The following NEK4 variants were observed in gnomAD, a reference collection of about 807,000 sequenced individuals.
NEK4 encodes serine/threonine-protein kinase Nek4.
Under a neutral mutation model 98.4 loss-of-function variants are expected in NEK4, and 86 were observed. That is an observed-to-expected ratio of 0.87 (90% CI 0.73 to 1.05). The LOEUF is 1.05. NEK4 is among the 50% of genes least tolerant of loss of function. NEK4 has a pLI of 0.00. For synonymous variants in NEK4, 328 were observed against 342.2 expected (o/e 0.96, Z 0.46); for missense variants, 898 against 950.3 (o/e 0.94, Z 0.72).
chr3:52,720,906 T>C (rs1382483973), intron 15 of NEK4, among the ~76,000 whole-genome samples: 3 of 152,254 alleles, frequency 2.0e-5, no homozygotes, highest in Non-Finnish European at 4.4e-5. Context: ...AGCTACTGTA[T>C]GAAACAATAC....
Position 52,770,871 on chromosome 3 carries a change from C to A in NEK4, c.-125G>T, listed in dbSNP as rs1578718785. ...GGGCGGCTGTTGAGGCAGCCGGGCC[C>A]GGGCGGGATTGCTGGGGCCCGGCCC... On this transcript the variant is annotated 5_prime_UTR_variant, in exon 1 of 16. Transcript: ENST00000233027. The A allele has an allele frequency of 6.2e-6, 5 of 808,004 alleles. No individual in the cohort carries two copies. The East Asian group carries it at 1.4e-4, about 22-fold the overall frequency. The allele number at this position is 808,004 out of a possible 1,614,324, so 50.1% of individuals were successfully genotyped here. A position where few individuals can be genotyped will look rare whatever the true frequency, so the allele number is the denominator to read the frequency against.
At chr3:52,745,990 T>C (rs2097395339) in intron 10 of NEK4, 71 bp downstream of exon 10, 21 of 1,406,684 alleles carry the variant, frequency 1.5e-5, no homozygotes, top group African/African-American at 2.8e-5. Context: ...CCCAAAGTGC[T>C]GGGATTACAT....
intron 15 of NEK4, among the ~76,000 whole-genome samples, chr3:52,718,323 A>G (rs1263316156): frequency 1.3e-5 from 2 of 151,336 alleles, no homozygotes; most frequent in East Asian, 4.0e-4. Context: ...AAATACAAAA[A>G]TTAGCCGGGC....
chr3:52,722,331 T>A (rs1440555115), intron 15 of NEK4, among the ~76,000 whole-genome samples: 1 of 151,974 alleles, frequency 6.6e-6, no homozygotes, highest in East Asian at 1.9e-4. Context: ...GGGTACAAGC[T>A]ATAACACAAG....
intron 15 of NEK4, among the ~76,000 whole-genome samples, chr3:52,715,151 A>G (rs1197879058): frequency 1.3e-5 from 2 of 152,204 alleles, no homozygotes; most frequent in Non-Finnish European, 2.9e-5. Context: ...CAGAGTGGGA[A>G]CTTGTGGTGC....
At chr3:52,749,953 G>A (rs1277215715) in intron 7 of NEK4, 124 bp from the exon 8 acceptor site, 1 of 152,912 alleles carries the variant, frequency 6.5e-6, no homozygotes, top group Admixed American at 6.5e-5. Flanking sequence ...AGTAACGAGT[G>A]TTAGCATGGA....
chr3:52,711,469 G>T lies in NEK4; in HGVS notation c.*308C>A. The T allele has an allele frequency of 5.0e-6, 1 of 200,746 alleles. No homozygotes were observed. Among genetic ancestry groups the T allele is most frequent in the African/African-American group, 2.3e-5 (1 of 43,308 alleles). The allele number at this position is 200,746 out of a possible 1,614,324, so 12.4% of individuals were successfully genotyped here. ...TATAGCTCTGTGTTTAAGTTAATTA[G>T]TACCTTAAAAAAATAAAATTCTAAA... On this transcript the variant is annotated 3_prime_UTR_variant, in exon 16 of 16. Transcript: ENST00000233027.
At chr3:52,714,393 G>A (rs1276291965) in intron 15 of NEK4, among the ~76,000 whole-genome samples, 3 of 152,240 alleles carry the variant, frequency 2.0e-5, no homozygotes, top group African/African-American at 7.2e-5. Flanking sequence ...GAAGGGAGGT[G>A]TGAGCGGTGA....
Position 52,737,407 on chromosome 3 carries a change from C to T in NEK4, c.2433+179G>A, listed in dbSNP as rs557280413. ...CTAACAGGTGCAGGGCTTCTTGGGG[C>T]GTAATGAAAATGTTCTAATATCGAT... On this transcript the variant is annotated intron_variant, in intron 15 of 15. Transcript: ENST00000233027. 1.8e-4 allele frequency: 101 copies of T among 567,436 alleles called. 1 individual carries two copies. The highest frequency in any genetic ancestry group is 1.5e-3 in the African/African-American group (82 of 53,216). The allele number at this position is 567,436 out of a possible 1,614,324, so 35.2% of individuals were successfully genotyped here. A position where few individuals can be genotyped will look rare whatever the true frequency, so the allele number is the denominator to read the frequency against.
At chr3:52,728,823 G>C (rs1359217828) in intron 15 of NEK4, among the ~76,000 whole-genome samples, 12 of 152,272 alleles carry the variant, frequency 7.9e-5, no homozygotes, top group African/African-American at 2.2e-4. Context: ...CCTGGGGGGA[G>C]GTCTATAAAC....
At chr3:52,757,983 C>A (rs1462207491) in intron 6 of NEK4, among the ~76,000 whole-genome samples, 1 of 151,970 alleles carries the variant, frequency 6.6e-6, no homozygotes, top group African/African-American at 2.4e-5. Flanking sequence ...CAAGACCAGT[C>A]TGGCCAACGT....
rs2097349935 is a variant in NEK4, at chr3:52,711,102, A to AATC, written c.*672_*674dup. On this transcript the variant is annotated 3_prime_UTR_variant, in exon 16 of 16. Transcript: ENST00000233027. ...AAATGTTTTCACTGATGGAAAAATA[A>AATC]ATCTAACAAAACCATTATGTAAAAA... The AATC allele has an allele frequency of 1.3e-5, 2 of 152,784 alleles. No homozygotes were observed. The highest frequency in any genetic ancestry group is 4.1e-4 in the South Asian group (2 of 4,830). The allele number at this position is 152,784 out of a possible 1,614,324, so 9.5% of individuals were successfully genotyped here.
intron 2 of NEK4, among the ~76,000 whole-genome samples, chr3:52,767,380 A>C (rs1466152994): frequency 6.6e-6 from 1 of 152,134 alleles, no homozygotes; most frequent in Non-Finnish European, 1.5e-5. Context: ...CCTCAGCTTA[A>C]TAATATTTTC....
At chr3:52,723,376 T>C (rs1185877031) in intron 15 of NEK4, among the ~76,000 whole-genome samples, 1 of 151,858 alleles carries the variant, frequency 6.6e-6, no homozygotes, top group Non-Finnish European at 1.5e-5. Flanking sequence ...GCCTCCTGAG[T>C]AGCTGGAATT....
At chr3:52,754,667 T>C (rs2097411547) in intron 6 of NEK4, 2 of 626,478 alleles carry the variant, frequency 3.2e-6, no homozygotes, top group Admixed American at 3.8e-5. Context: ...AATCTTTCAG[T>C]AAAGAAGAGA....
At chr3:52,765,866 T>C (rs377659796) in intron 4 of NEK4, 21 bp downstream of exon 4, 29 of 1,409,822 alleles carry the variant, frequency 2.1e-5, no homozygotes, top group Non-Finnish European at 2.8e-5. Context: ...ACTGGTCAAT[T>C]AGTTCTAGAT....
intron 15 of NEK4, among the ~76,000 whole-genome samples, chr3:52,721,503 G>A (rs534355847): frequency 1.3e-5 from 2 of 152,054 alleles, no homozygotes; most frequent in Non-Finnish European, 2.9e-5. Flanking sequence ...CAAGGCAGGA[G>A]AATTGCTTGA....
intron 12 of NEK4, 42 bp from the exon 13 acceptor site, chr3:52,741,541 C>A (rs1414002252): frequency 1.6e-6 from 2 of 1,253,436 alleles, no homozygotes; most frequent in South Asian, 2.4e-5. Context: ...CATGACAACA[C>A]AACCAGAATG....
rs1352763922 is a variant in NEK4, at chr3:52,711,166, T to C, written c.*611A>G. Reference sequence around the variant, plus strand: ...AAAGCCAATGTGTCTCAGTTTTAATTTGTATATACCCTAGATGAGGTTTAT... The same window carrying C: ...AAAGCCAATGTGTCTCAGTTTTAATCTGTATATACCCTAGATGAGGTTTAT... On this transcript the variant is annotated 3_prime_UTR_variant, in exon 16 of 16. Coordinates refer to ENST00000233027, the MANE Select transcript of NEK4 (RefSeq NM_003157.6). 6.6e-6 allele frequency: 1 copy of C among 152,484 alleles called. No individual in the cohort carries two copies. The highest frequency in any genetic ancestry group is 1.5e-5 in the Non-Finnish European group (1 of 68,022). 9.4% of individuals were successfully genotyped at this position (152,484 alleles called of 1,614,324 possible).
Sources: allele counts gnomAD v4.1 joint callset (sites outside exome capture counted in the v4.1 genomes callset), GRCh38; gene constraint gnomAD v4.1.1; transcripts MANE v1.5; gene names NCBI Gene and HGNC (gene_info 2026-07-23, HGNC 2026-07-21).